PTPRN2: variants seen among roughly 807,000 people sequenced by gnomAD.
PTPRN2 encodes protein tyrosine phosphatase receptor type N2, also known as receptor-type tyrosine-protein phosphatase N2.
Under a neutral mutation model 118.8 loss-of-function variants are expected in PTPRN2, and 74 were observed. The ratio of observed to expected loss-of-function variants is 0.62; its 90% CI spans 0.52 to 0.76. The LOEUF is 0.76. Ranked by LOEUF, PTPRN2 falls within the 30% of genes least tolerant of loss-of-function variation. The pLI is 0.00. For synonymous variants in PTPRN2, 641 were observed against 608.0 expected (o/e 1.05, Z -0.80); for missense variants, 1,481 against 1,394.4 (o/e 1.06, Z -0.99).
chr7:157,642,837 A>AAAAAAAAAAAAAAAAC (rs1804776547), intron 14 of PTPRN2, among the ~76,000 whole-genome samples: 1 of 147,420 alleles, frequency 6.8e-6, no homozygotes, highest in Admixed American at 6.8e-5. Context: ...AAAAAAAAAA[A>AAAAAAAAAAAAAAAAC]AAAAAAAGCA....
Position 158,003,320 on chromosome 7 carries a change from A to G in PTPRN2, c.1723+77978T>C, listed in dbSNP as rs1032012150. The stretch of plus-strand genomic sequence containing the variant: ...TCCCAGCTACTTGGGAGGCTGAGGC[A>G]GGAGAATGGCATGAACCTGGGAGGC... On this transcript the variant is annotated intron_variant, in intron 11 of 22. Transcript: ENST00000389418. This position sits in a 1 kb window ranked among gnomAD's most constrained non-coding sequence, Gnocchi z 5.0. 3.7e-3 allele frequency among the ~76,000 whole-genome samples: 554 copies of G among 150,472 alleles called. 1 individual carries two copies. Among genetic ancestry groups the G allele is most frequent in the Non-Finnish European group, 6.2e-3 (421 of 67,622 alleles).
intron 12 of PTPRN2, among the ~76,000 whole-genome samples, chr7:157,750,499 G>C (rs1242520559): frequency 6.6e-6 from 1 of 152,208 alleles, no homozygotes; most frequent in Non-Finnish European, 1.5e-5. Flanking sequence ...GGCAGGAAGT[G>C]GCAGGTAACA....
intron 12 of PTPRN2, among the ~76,000 whole-genome samples, chr7:157,849,029 C>G (rs911363604): frequency 6.6e-6 from 1 of 152,204 alleles, no homozygotes; most frequent in Admixed American, 6.5e-5. Flanking sequence ...AATAGCGGGT[C>G]TTGGGATGAC....
chr7:158,193,746 C>A (rs561682230), intron 4 of PTPRN2, among the ~76,000 whole-genome samples: 217 of 152,196 alleles, frequency 1.4e-3, no homozygotes, highest in African/African-American at 5.1e-3. Flanking sequence ...TCACAGCCCC[C>A]ACGGAGGCCT....
At chr7:158,460,057 G>A (rs2141741) in intron 2 of PTPRN2, among the ~76,000 whole-genome samples, 575 of 41,254 alleles carry the variant, frequency 0.014, no homozygotes, top group Middle Eastern at 0.023. Context: ...TCATCCAGCT[G>A]CAGGATGGGA....
At chr7:157,722,938 A>T (rs1799326212) in intron 12 of PTPRN2, among the ~76,000 whole-genome samples, 1 of 152,160 alleles carries the variant, frequency 6.6e-6, no homozygotes, top group Non-Finnish European at 1.5e-5. Flanking sequence ...TCACTGAATC[A>T]ACAGCCCACC....
At chr7:158,276,040 G>A (rs1188377771) in intron 3 of PTPRN2, among the ~76,000 whole-genome samples, 1 of 152,138 alleles carries the variant, frequency 6.6e-6, no homozygotes, top group Non-Finnish European at 1.5e-5. Flanking sequence ...ACTTTTATCT[G>A]CACAAATCCT....
At chr7:158,373,312 T>TA (rs1362536419) in intron 2 of PTPRN2, among the ~76,000 whole-genome samples, 2 of 152,256 alleles carry the variant, frequency 1.3e-5, no homozygotes, top group Non-Finnish European at 2.9e-5. Context: ...TTTTTTGCTA[T>TA]AATTTGCTCT....
rs372471958 is a variant in PTPRN2, at chr7:158,342,868, C to G, written c.164-25936G>C. Among the ~76,000 whole-genome samples the G allele has an allele frequency of 4.6e-5, 7 of 152,098 alleles. 1 individual carries two copies. In the South Asian group the frequency reaches 1.5e-3, roughly 32 times the overall value. ...TCAGGAAACCTCATCATCGTGCTCA[C>G]TTGAGCCAAGATCCAGGAAATATTA... On this transcript the variant is annotated intron_variant, in intron 2 of 22. Transcript: ENST00000389418.
At chr7:158,340,426 C>T (rs1472512467) in intron 2 of PTPRN2, among the ~76,000 whole-genome samples, 1 of 56,712 alleles carries the variant, frequency 1.8e-5, no homozygotes, top group Non-Finnish European at 4.0e-5. Context: ...CTCACACACA[C>T]ACTCTCACCG....
chr7:158,310,485 T>C (rs976561910), intron 3 of PTPRN2, among the ~76,000 whole-genome samples: 1 of 152,188 alleles, frequency 6.6e-6, no homozygotes, highest in South Asian at 2.1e-4. Context: ...TCTGGGCTCC[T>C]GTGGAAGGTA....
At position 157,985,448 on chromosome 7, in the gene PTPRN2, A is replaced by G. The variant is rs1345475450; in HGVS notation, c.1724-86711T>C. The stretch of plus-strand genomic sequence containing the variant: ...AGCCGTCAGACAGTCATCCTGGCCC[A>G]AGGTGACCTCATTACCAGAATTTGT... On this transcript the variant is annotated intron_variant, in intron 11 of 22. Transcript: ENST00000389418. 6.6e-5 allele frequency among the ~76,000 whole-genome samples: 10 copies of G among 152,316 alleles called. No individual in the cohort carries two copies. The East Asian group carries it at 1.9e-3, about 29-fold the overall frequency.
Position 157,794,075 on chromosome 7 carries a change from C to T in PTPRN2, c.1788+104598G>A, listed in dbSNP as rs1437997180. On this transcript the variant is annotated intron_variant, in intron 12 of 22. Coordinates refer to ENST00000389418, the MANE Select transcript of PTPRN2 (RefSeq NM_002847.5). The surrounding 1 kb of genome is among the most constrained non-coding windows in gnomAD (Gnocchi z 5.2). Reference sequence around the variant, plus strand: ...AGGACAAGCTCGGGGCCCAGGTGGCCGGGAGGGGGCCGCCTGTGTCTCGCC... The same window carrying T: ...AGGACAAGCTCGGGGCCCAGGTGGCTGGGAGGGGGCCGCCTGTGTCTCGCC... 1.3e-5 allele frequency among the ~76,000 whole-genome samples: 2 copies of T among 151,884 alleles called. No individual in the cohort carries two copies. The highest frequency in any genetic ancestry group is 2.4e-5 in the African/African-American group (1 of 41,202).
chr7:158,398,906 A>G (rs1171702442), intron 2 of PTPRN2, among the ~76,000 whole-genome samples: 1 of 152,218 alleles, frequency 6.6e-6, no homozygotes, highest in African/African-American at 2.4e-5. Flanking sequence ...TGTGCTTACA[A>G]TATTGTGACT....
Position 157,621,448 on chromosome 7 carries a change from C to T in PTPRN2, c.2258G>A (p.Cys753Tyr), listed in dbSNP as rs192139127. Reference protein sequence around the residue: ...NRLEKEWEALCAYQAEPNSSF... With the variant: ...NRLEKEWEALYAYQAEPNSSF... Reference sequence around the variant, plus strand: ...GCTGTTGGGCTCCGCCTGGTAGGCGCACAGCGCTTCCCACTCCTTCTCCAG... The same window carrying T: ...GCTGTTGGGCTCCGCCTGGTAGGCGTACAGCGCTTCCCACTCCTTCTCCAG... The change falls in exon 15 of 23, where the codon TGC becomes TAC. Residue 753 changes from cysteine (C) to tyrosine (Y), a missense_variant. This residue lies in a region of PTPRN2 where 362 missense variants were observed against 384.1 expected (regional missense o/e 0.94). Transcript: ENST00000389418. The T allele has an allele frequency of 1.9e-6, 3 of 1,614,018 alleles. No individual in the cohort carries two copies. Among genetic ancestry groups the T allele is most frequent in the African/African-American group, 1.3e-5 (1 of 75,032 alleles).
chr7:157,649,733 C>G (rs1430645515), intron 14 of PTPRN2, among the ~76,000 whole-genome samples: 3 of 143,410 alleles, frequency 2.1e-5, no homozygotes, highest in African/African-American at 7.8e-5. Flanking sequence ...GACCCATTCA[C>G]TGTGCACTGA....
At chr7:158,273,173 G>T (rs985244582) in intron 3 of PTPRN2, among the ~76,000 whole-genome samples, 19 of 152,296 alleles carry the variant, frequency 1.2e-4, no homozygotes, top group African/African-American at 4.6e-4. Context: ...GAGCTCGCAG[G>T]GGAGGAACCC....
chr7:157,680,558 C>A (rs1481661879), intron 13 of PTPRN2, among the ~76,000 whole-genome samples: 1 of 152,196 alleles, frequency 6.6e-6, no homozygotes, highest in African/African-American at 2.4e-5. Context: ...TCAAAGTGAA[C>A]AATCATACAG....
chr7:157,556,590 C>T (rs1798897159), intron 21 of PTPRN2, among the ~76,000 whole-genome samples: 1 of 151,168 alleles, frequency 6.6e-6, no homozygotes, highest in South Asian at 2.1e-4. Flanking sequence ...CATTCATGCA[C>T]ACATCCAAAC....
Sources: allele counts gnomAD v4.1 joint callset (sites outside exome capture counted in the v4.1 genomes callset), GRCh38; gene constraint gnomAD v4.1.1; regional missense constraint gnomAD v4.1.1; non-coding constraint Gnocchi (gnomAD v3.1); transcripts MANE v1.5; gene names NCBI Gene and HGNC (gene_info 2026-07-23, HGNC 2026-07-21).